The following CTNNA1 variants were observed in gnomAD, a reference collection of about 807,000 sequenced individuals.
CTNNA1 encodes catenin alpha 1.
A neutral mutation model predicts 98.4 loss-of-function variants in CTNNA1; 37 were observed. The ratio of observed to expected loss-of-function variants is 0.38; its 90% CI spans 0.29 to 0.49. The LOEUF is 0.49. Among genes scored for constraint, CTNNA1 ranks in the 20% least tolerant of loss-of-function variants. CTNNA1 has a pLI of 0.95. For synonymous variants in CTNNA1, 404 were observed against 413.2 expected, an observed-to-expected ratio of 0.98 and a Z score of 0.27; for missense variants, 761 against 1,147.2, an observed-to-expected ratio of 0.66 and a Z score of 4.86.
intron 7 of CTNNA1, among the ~76,000 whole-genome samples, chr5:138,843,755 A>G (rs1264765659): frequency 1.3e-5 from 2 of 152,198 alleles, no homozygotes; most frequent in African/African-American, 2.4e-5. Flanking sequence ...ATAGCCAGCT[A>G]AGAGGAGTGT....
intron 1 of CTNNA1, among the ~76,000 whole-genome samples, chr5:138,762,961 A>T (rs900743898): frequency 1.3e-5 from 2 of 152,054 alleles, no homozygotes; most frequent in African/African-American, 2.4e-5. Context: ...TTTTTTCCCT[A>T]GATTGCTTAG....
intron 10 of CTNNA1, among the ~76,000 whole-genome samples, chr5:138,909,356 C>A (rs1031460921): frequency 6.6e-6 from 1 of 151,348 alleles, no homozygotes; most frequent in East Asian, 1.9e-4. Flanking sequence ...TTTCCTCCCC[C>A]CCCACCCTTT....
At chr5:138,758,748 A>G (rs960876537) in intron 1 of CTNNA1, among the ~76,000 whole-genome samples, 2 of 151,898 alleles carry the variant, frequency 1.3e-5, no homozygotes, top group African/African-American at 4.8e-5. Context: ...GAACATCTGT[A>G]AGACAGTTGT....
intron 7 of CTNNA1, among the ~76,000 whole-genome samples, chr5:138,849,702 GAAAACTA>G: frequency 6.6e-6 from 1 of 152,268 alleles, no homozygotes; most frequent in African/African-American, 2.4e-5. Flanking sequence ...ATTTGCTTCA[GAAAACTA>G]AAGAGTAATA....
At chr5:138,910,218 CTACTT>C (rs1760251716) in intron 10 of CTNNA1, among the ~76,000 whole-genome samples, 1 of 129,248 alleles carries the variant, frequency 7.7e-6, no homozygotes, top group South Asian at 2.5e-4. Context: ...AAAGTGTTTC[CTACTT>C]TTCTTTTTTT....
At chr5:138,836,670 G>A (rs1761798451) in intron 7 of CTNNA1, among the ~76,000 whole-genome samples, 1 of 152,198 alleles carries the variant, frequency 6.6e-6, no homozygotes, top group African/African-American at 2.4e-5. Context: ...ATGTAAGCCT[G>A]CCCAGTGTTA....
At chr5:138,915,070 C>T (rs944950359) in intron 10 of CTNNA1, among the ~76,000 whole-genome samples, 1 of 152,126 alleles carries the variant, frequency 6.6e-6, no homozygotes, top group African/African-American at 2.4e-5. Context: ...TCACTTCAAC[C>T]TGGGAGGTGG....
intron 9 of CTNNA1, among the ~76,000 whole-genome samples, chr5:138,898,252 C>T (rs1561684632): frequency 6.7e-6 from 1 of 148,970 alleles, no homozygotes; most frequent in African/African-American, 2.5e-5. Flanking sequence ...TTCCTGAGGC[C>T]TCCTCAGAAG....
At chr5:138,897,526 T>A (rs1757143153) in intron 9 of CTNNA1, among the ~76,000 whole-genome samples, 1 of 152,108 alleles carries the variant, frequency 6.6e-6, no homozygotes, top group Non-Finnish European at 1.5e-5. Flanking sequence ...CTGTGACATC[T>A]TGGGTATTTT....
intron 9 of CTNNA1, 69 bp downstream of exon 9, chr5:138,887,711 A>T (rs1754387006): frequency 7.4e-7 from 1 of 1,345,346 alleles, no homozygotes; most frequent in African/African-American, 1.5e-5. Flanking sequence ...TAATCACATT[A>T]TTTAATCAGT....
chr5:138,932,271 G>T, intron 16 of CTNNA1: 3 of 1,149,662 alleles, frequency 2.6e-6, no homozygotes, highest in Admixed American at 4.4e-5. Context: ...GGGGATCCTT[G>T]GCCAGGGTGG....
At chr5:138,862,812 GA>G (rs1314806939) in intron 7 of CTNNA1, among the ~76,000 whole-genome samples, 1 of 152,194 alleles carries the variant, frequency 6.6e-6, no homozygotes, top group Non-Finnish European at 1.5e-5. Flanking sequence ...TTAACTTAGA[GA>G]AGAAAGACTA....
chr5:138,902,666 G>C (rs1243406759), intron 9 of CTNNA1, among the ~76,000 whole-genome samples: 1 of 152,160 alleles, frequency 6.6e-6, no homozygotes, highest in Non-Finnish European at 1.5e-5. Flanking sequence ...TGATCCGCCC[G>C]CCTCGGCCTC....
chr5:138,847,180 T>C (rs1225156793), intron 7 of CTNNA1, among the ~76,000 whole-genome samples: 1 of 152,222 alleles, frequency 6.6e-6, no homozygotes, highest in East Asian at 1.9e-4. Context: ...ACTTATTTAC[T>C]TAAAAATAGG....
At chr5:138,825,734 G>A (rs868163290) in intron 6 of CTNNA1, among the ~76,000 whole-genome samples, 1 of 151,784 alleles carries the variant, frequency 6.6e-6, no homozygotes, top group African/African-American at 2.4e-5. Context: ...GATATGCATG[G>A]CCGATTTAAG....
chr5:138,926,745 GA>G (rs1764141983), intron 13 of CTNNA1, among the ~76,000 whole-genome samples: 1 of 151,916 alleles, frequency 6.6e-6, no homozygotes, highest in South Asian at 2.1e-4. Context: ...AAAGTCTCTT[GA>G]CCCACACCCC....
intron 9 of CTNNA1, among the ~76,000 whole-genome samples, chr5:138,890,655 C>T (rs574217136): frequency 1.3e-5 from 2 of 152,264 alleles, no homozygotes; most frequent in East Asian, 3.9e-4. Context: ...CACTGAGTTT[C>T]AGTGTTCAGA....
chr5:138,863,968 C>CT (rs1033023689), intron 7 of CTNNA1, among the ~76,000 whole-genome samples: 14 of 151,364 alleles, frequency 9.2e-5, no homozygotes, highest in African/African-American at 1.7e-4. Context: ...AAACACCAGT[C>CT]TTTTTTTTTA....
chr5:138,887,740 G>T, intron 9 of CTNNA1, 98 bp downstream of exon 9: 2 of 951,388 alleles, frequency 2.1e-6, no homozygotes, highest in South Asian at 3.4e-5. Context: ...GTAAGGGCTC[G>T]CTTAACATAC....
Sources: allele counts gnomAD v4.1 joint callset (sites outside exome capture counted in the v4.1 genomes callset), GRCh38; gene constraint gnomAD v4.1.1; transcripts MANE v1.5; gene names NCBI Gene and HGNC (gene_info 2026-07-23, HGNC 2026-07-21).